The following DLG2 variants were observed in gnomAD, a reference collection of about 807,000 sequenced individuals.
The protein encoded by DLG2 is disks large homolog 2.
In DLG2, 45 loss-of-function variants were observed where a neutral mutation model predicts 132.5. The observed-to-expected ratio is 0.34, with a 90% CI of 0.27 to 0.44. The LOEUF (loss-of-function observed/expected upper bound fraction) is 0.44. Ranked by LOEUF, DLG2 falls within the 20% of genes least tolerant of loss-of-function variation. DLG2 has a pLI of 1.00. For missense variants in DLG2, 1,045 were observed against 1,196.9 expected, an observed-to-expected ratio of 0.87 and a Z score of 1.87; for synonymous variants, 424 against 419.6, an observed-to-expected ratio of 1.01 and a Z score of -0.13.
intron 3 of DLG2, among the ~76,000 whole-genome samples, chr11:85,455,600 C>T (rs914236241): frequency 6.6e-6 from 1 of 152,216 alleles, no homozygotes; most frequent in Middle Eastern, 3.4e-3. Flanking sequence ...TGGTCTCATT[C>T]TGGTTATCAA....
At chr11:84,779,181 T>C (rs2071238278) in intron 6 of DLG2, among the ~76,000 whole-genome samples, 1 of 145,164 alleles carries the variant, frequency 6.9e-6, no homozygotes, top group African/African-American at 2.5e-5. Flanking sequence ...CTTTCTCATA[T>C]ATATATATGT....
chr11:84,432,381 T>C (rs1329297909), intron 7 of DLG2, among the ~76,000 whole-genome samples: 1 of 152,188 alleles, frequency 6.6e-6, no homozygotes. Context: ...ATGATGGGTT[T>C]TGTAGATTAT....
intron 7 of DLG2, among the ~76,000 whole-genome samples, chr11:84,404,082 G>A (rs1043000924): frequency 4.6e-5 from 7 of 151,746 alleles, no homozygotes; most frequent in Middle Eastern, 3.2e-3. Flanking sequence ...TTGCTTTACC[G>A]TGTTTATAAG....
intron 6 of DLG2, among the ~76,000 whole-genome samples, chr11:84,826,821 C>A (rs765123119): frequency 6.6e-6 from 1 of 151,848 alleles, no homozygotes; most frequent in East Asian, 2.0e-4. Context: ...ACACAATAAC[C>A]AGACTAACCT....
chr11:84,689,977 G>T (rs1240995878), intron 6 of DLG2, among the ~76,000 whole-genome samples: 1 of 151,962 alleles, frequency 6.6e-6, no homozygotes, highest in Non-Finnish European at 1.5e-5. Context: ...GGTGAACCTG[G>T]AGGACATTAT....
At chr11:84,514,391 C>T (rs1196935113) in intron 7 of DLG2, among the ~76,000 whole-genome samples, 1 of 152,046 alleles carries the variant, frequency 6.6e-6, no homozygotes, top group Non-Finnish European at 1.5e-5. Context: ...CATCTGCACT[C>T]CCATATTGTT....
intron 2 of DLG2, among the ~76,000 whole-genome samples, chr11:85,616,065 G>T (rs2081315386): frequency 6.6e-6 from 1 of 152,170 alleles, no homozygotes; most frequent in Non-Finnish European, 1.5e-5. Flanking sequence ...GGAAAAATTT[G>T]AAGCTCTATC....
chr11:83,622,070 A>G (rs977661450), intron 19 of DLG2, among the ~76,000 whole-genome samples: 3 of 152,108 alleles, frequency 2.0e-5, no homozygotes, highest in South Asian at 4.1e-4. Flanking sequence ...GCCTGCCACC[A>G]TGCCAGGCTA....
In DLG2 at chr11:83,529,586, T is replaced by C. The variant is rs77415037; in HGVS notation, c.2193+3122A>G. Among the ~76,000 whole-genome samples the C allele has an allele frequency of 2.7e-5, 4 of 150,532 alleles. No individual in the cohort carries two copies. In the South Asian group the frequency reaches 8.4e-4, roughly 31 times the overall value. On this transcript the variant is annotated intron_variant, in intron 21 of 27. Transcript: ENST00000376104. The stretch of plus-strand genomic sequence containing the variant: ...TCAATCATGGCACTCTTTTTTTTTT[T>C]CTGAAATCATTTATGGCCTCAGAAT...
At chr11:83,480,318 C>T in intron 22 of DLG2, 1 of 1,382,206 alleles carries the variant, frequency 7.2e-7, no homozygotes, top group Non-Finnish European at 9.9e-7. Flanking sequence ...ATGACCACCA[C>T]AGGCAATGGG....
At chr11:84,782,773 A>G (rs1219721725) in intron 6 of DLG2, among the ~76,000 whole-genome samples, 1 of 152,146 alleles carries the variant, frequency 6.6e-6, no homozygotes, top group African/African-American at 2.4e-5. Context: ...GCAAAATTTT[A>G]TAATATATGA....
At chr11:85,057,519 T>A (rs2063577862) in intron 6 of DLG2, among the ~76,000 whole-genome samples, 1 of 151,632 alleles carries the variant, frequency 6.6e-6, no homozygotes. Context: ...ATTACTAATT[T>A]AAAACCTTTA....
chr11:84,236,149 T>C (rs1166359699), intron 8 of DLG2, among the ~76,000 whole-genome samples: 1 of 152,186 alleles, frequency 6.6e-6, no homozygotes, highest in African/African-American at 2.4e-5. Flanking sequence ...TCTGTGCCCT[T>C]GGCCATACCA....
intron 3 of DLG2, among the ~76,000 whole-genome samples, chr11:85,347,842 C>T: frequency 7.5e-6 from 1 of 133,092 alleles, no homozygotes; most frequent in Admixed American, 8.4e-5. Flanking sequence ...CTCACTCTGT[C>T]ACCCAGGCTG....
chr11:83,679,425 A>C (rs1336418606), intron 18 of DLG2, among the ~76,000 whole-genome samples: 1 of 152,152 alleles, frequency 6.6e-6, no homozygotes, highest in African/African-American at 2.4e-5. Context: ...GTTTATTTCC[A>C]TGTTCTCTAT....
At position 85,379,704 on chromosome 11, in the gene DLG2, A is replaced by G. The variant is rs80303192; in HGVS notation, c.41-94339T>C. ...CTAATCCAGGCTCTCCCACAACACA[A>G]AAGCCTAGAGCCAGTGGATTGGCAA... On this transcript the variant is annotated intron_variant, in intron 3 of 27. Transcript: ENST00000376104. Among the ~76,000 whole-genome samples the G allele has an allele frequency of 9.8e-3, 1,485 of 152,300 alleles. 21 individuals are homozygous for G. The highest frequency in any genetic ancestry group is 0.032 in the African/African-American group (1,339 of 41,572).
intron 18 of DLG2, among the ~76,000 whole-genome samples, chr11:83,633,743 A>AACACCC (rs2064017210): frequency 2.1e-5 from 3 of 143,202 alleles, no homozygotes; most frequent in Non-Finnish European, 3.0e-5. Flanking sequence ...CACAGAACTA[A>AACACCC]ACACACACAC....
intron 18 of DLG2, among the ~76,000 whole-genome samples, chr11:83,718,869 A>T (rs1004334064): frequency 6.6e-6 from 1 of 152,198 alleles, no homozygotes. Flanking sequence ...TCCTAGCCCA[A>T]TCCAGTCACC....
chr11:84,787,736 C>T (rs1001969731), intron 6 of DLG2, among the ~76,000 whole-genome samples: 3 of 152,070 alleles, frequency 2.0e-5, no homozygotes, highest in Non-Finnish European at 4.4e-5. Flanking sequence ...AGGCCCTCAC[C>T]ACTGGAAGAT....
Sources: allele counts gnomAD v4.1 joint callset (sites outside exome capture counted in the v4.1 genomes callset), GRCh38; gene constraint gnomAD v4.1.1; transcripts MANE v1.5; gene names NCBI Gene and HGNC (gene_info 2026-07-23, HGNC 2026-07-21).